The following RSPO1 variants were observed in gnomAD, a reference collection of about 807,000 sequenced individuals.
RSPO1 encodes the protein R-spondin-1.
In RSPO1, 18 loss-of-function variants were observed where a neutral mutation model predicts 26.0. That is an observed-to-expected ratio of 0.69 (90% CI 0.48 to 1.03). RSPO1 has a LOEUF of 1.03. Ranked by LOEUF, RSPO1 falls within the 50% of genes least tolerant of loss-of-function variation. The pLI is 0.00. For missense variants in RSPO1, 309 were observed against 352.3 expected, an observed-to-expected ratio of 0.88 and a Z score of 0.98; for synonymous variants, 133 against 137.4, an observed-to-expected ratio of 0.97 and a Z score of 0.22.
chr1:37,627,011 C>T (rs143821846), intron 3 of RSPO1, among the ~76,000 whole-genome samples: 1 of 152,164 alleles, frequency 6.6e-6, no homozygotes, highest in Admixed American at 6.5e-5. Flanking sequence ...AAGAGAAGTT[C>T]TTTGCTCAAC....
In RSPO1 at chr1:37,612,902, T is replaced by C. The variant is rs775859628; in HGVS notation, c.645A>G (p.Gly215=). The C allele has an allele frequency of 1.2e-6, 2 of 1,614,080 alleles. No homozygotes were observed. The highest frequency in any genetic ancestry group is 1.1e-5 in the South Asian group (1 of 91,082). The change falls in exon 7 of 7, where the codon GGA becomes GGG. Residue 215 remains glycine, a synonymous_variant. Transcript: ENST00000356545. ...TGGCATTCTCCCGCCGGCCCTGGCC[T>C]CCCTTCCTCCTCTTCTGCCCTGAAA... The part of the protein sequence containing the change: ...PCPEGQKRRK[G]GQGRRENANR...
At chr1:37,619,462 G>A (rs186666610) in intron 3 of RSPO1, among the ~76,000 whole-genome samples, 6 of 152,336 alleles carry the variant, frequency 3.9e-5, no homozygotes, top group South Asian at 2.1e-4. Flanking sequence ...TGTCCACTCC[G>A]GACAACTGCT....
rs772927728 is a variant in RSPO1, at chr1:37,612,823, G to A, written c.724C>T (p.Arg242Cys). 2.0e-5 allele frequency: 33 copies of A among 1,613,512 alleles called. No homozygotes were observed. Among genetic ancestry groups the A allele is most frequent in the East Asian group, 8.9e-5 (4 of 44,896 alleles). ...TGCTGCTGCTGTTGCTGCCCCTTGC[G>A]TCTTCGAGAGCCAGCACCCGCCTCC... Reference protein sequence around the residue: ...SKEAGAGSRRRKGQQQQQQQG... With the variant: ...SKEAGAGSRRCKGQQQQQQQG... Residue 242 changes from arginine to cysteine, a missense_variant, in exon 7 of 7, where the codon CGC becomes TGC. By Grantham distance (180) the Arg-to-Cys change is radical (BLOSUM62 -3). Transcript: ENST00000356545.
chr1:37,625,509 C>T (rs934326602), intron 3 of RSPO1, among the ~76,000 whole-genome samples: 6 of 151,814 alleles, frequency 4.0e-5, no homozygotes, highest in Admixed American at 2.6e-4. Flanking sequence ...GTTCAGTTGG[C>T]GAGGGTAGGA....
chr1:37,634,606 G>A lies in RSPO1; in HGVS notation c.-396C>T, dbSNP rs1295300853. 1 of 152,094 alleles carries A rather than the reference G, an allele frequency of 6.6e-6. No individual in the cohort carries two copies. Among genetic ancestry groups the A allele is most frequent in the Non-Finnish European group, 1.5e-5 (1 of 68,078 alleles). 9.4% of individuals were successfully genotyped at this position (152,094 alleles called of 1,614,324 possible). On this transcript the variant is annotated 5_prime_UTR_variant, in exon 1 of 7. Coordinates refer to ENST00000356545, the MANE Select transcript of RSPO1 (RefSeq NM_001242908.2). This position sits in a 1 kb window ranked among gnomAD's most constrained non-coding sequence, Gnocchi z 4.7. Reference sequence around the variant, plus strand: ...CGCGACGGGGGCAGGCCCGGGAGGGGCGAGGGCGCGGCCCGCTCACCCGCC... The same window carrying A: ...CGCGACGGGGGCAGGCCCGGGAGGGACGAGGGCGCGGCCCGCTCACCCGCC...
At chr1:37,622,909 G>A (rs1644223771) in intron 3 of RSPO1, among the ~76,000 whole-genome samples, 1 of 152,224 alleles carries the variant, frequency 6.6e-6, no homozygotes, top group Middle Eastern at 3.4e-3. Flanking sequence ...GAAAATCAGA[G>A]ATCACAGACA....
intron 1 of RSPO1, among the ~76,000 whole-genome samples, chr1:37,633,126 T>C (rs1644383792): frequency 6.6e-6 from 1 of 152,196 alleles, no homozygotes; most frequent in Non-Finnish European, 1.5e-5. Flanking sequence ...CTCCTCACAA[T>C]GGAAGGAGGA....
rs528709141 is a variant in RSPO1, at chr1:37,612,693, C to T, written c.*62G>A. 3.2e-5 allele frequency: 51 copies of T among 1,574,010 alleles called. No individual in the cohort carries two copies. In the African/African-American group the frequency reaches 5.8e-4, roughly 18 times the overall value. ...CCCCCGACGTTCCAGTTCAGGAAAG[C>T]TTGAATCACGCAGAGTAGCACTGAA... On this transcript the variant is annotated 3_prime_UTR_variant, in exon 7 of 7. Coordinates refer to ENST00000356545, the MANE Select transcript of RSPO1 (RefSeq NM_001242908.2).
At chr1:37,622,717 G>T (rs548456880) in intron 3 of RSPO1, among the ~76,000 whole-genome samples, 2 of 152,276 alleles carry the variant, frequency 1.3e-5, no homozygotes, top group Admixed American at 6.5e-5. Flanking sequence ...GACCAGGGCT[G>T]GGAGGAGACA....
intron 4 of RSPO1, 31 bp downstream of exon 4, chr1:37,616,453 C>G (rs1167385887): frequency 6.2e-7 from 1 of 1,609,162 alleles, no homozygotes; most frequent in Admixed American, 1.7e-5. Flanking sequence ...TTCTAATGCC[C>G]CCTGCCCCCG....
rs1238130782 is a variant in RSPO1 at position 37,634,877 on chromosome 1, C to T, written c.-667G>A. Reference sequence around the variant, plus strand: ...GTCGCGCCTCCGCTCGGCCGGAGCTCCCAGCCCGGAGAGGGGCCAGTCCTC... The same window carrying T: ...GTCGCGCCTCCGCTCGGCCGGAGCTTCCAGCCCGGAGAGGGGCCAGTCCTC... On this transcript the variant is annotated 5_prime_UTR_variant, in exon 1 of 7. Transcript: ENST00000356545. This position sits in a 1 kb window ranked among gnomAD's most constrained non-coding sequence, Gnocchi z 4.7. 1 of 152,280 alleles carries T rather than the reference C, an allele frequency of 6.6e-6. No individual in the cohort carries two copies. The highest frequency in any genetic ancestry group is 1.5e-5 in the Non-Finnish European group (1 of 68,072). The allele number at this position is 152,280 out of a possible 1,614,324, so 9.4% of individuals were successfully genotyped here.
Position 37,614,000 on chromosome 1 carries a change from G to A in RSPO1, c.437-108C>T. On this transcript the variant is annotated intron_variant, in intron 5 of 6. Transcript: ENST00000356545. The surrounding 1 kb of genome is among the most constrained non-coding windows in gnomAD (Gnocchi z 4.5). ...AGCATCTCCCACTTTCCTTCTGCCT[G>A]GACCTGAGGCTGCAGGTATCTTTAG... 7.2e-7 allele frequency: 1 copy of A among 1,386,178 alleles called. No individual in the cohort carries two copies. The highest frequency in any genetic ancestry group is 1.0e-6 in the Non-Finnish European group (1 of 980,076). 85.9% of individuals were successfully genotyped at this position (1,386,178 alleles called of 1,614,324 possible). A position where few individuals can be genotyped will look rare whatever the true frequency, so the allele number is the denominator to read the frequency against.
intron 4 of RSPO1, 24 bp from the exon 5 acceptor site, chr1:37,614,357 C>T (rs1644078589): frequency 2.5e-6 from 4 of 1,613,072 alleles, no homozygotes; most frequent in Non-Finnish European, 3.4e-6. Context: ...AGATTGGGGG[C>T]TTCTGGCCCA....
At chr1:37,620,974 G>A (rs1030170759) in intron 3 of RSPO1, among the ~76,000 whole-genome samples, 18 of 152,132 alleles carry the variant, frequency 1.2e-4, no homozygotes, top group African/African-American at 2.9e-4. Flanking sequence ...CCTCTCAAGC[G>A]ATGCTGCCAT....
chr1:37,625,765 G>A (rs540969441), intron 3 of RSPO1, among the ~76,000 whole-genome samples: 2 of 150,114 alleles, frequency 1.3e-5, no homozygotes, highest in African/African-American at 2.5e-5. Flanking sequence ...TGCAACCTCC[G>A]CCTCCCAGGT....
chr1:37,612,607 G>A lies in RSPO1; in HGVS notation c.*148C>T. 1.2e-6 allele frequency: 1 copy of A among 830,050 alleles called. No homozygotes were observed. Among genetic ancestry groups the A allele is most frequent in the Admixed American group, 1.8e-5 (1 of 56,102 alleles). 51.4% of individuals were successfully genotyped at this position (830,050 alleles called of 1,614,324 possible). On this transcript the variant is annotated 3_prime_UTR_variant, in exon 7 of 7. Coordinates refer to ENST00000356545, the MANE Select transcript of RSPO1 (RefSeq NM_001242908.2). ...TGGTTGTATATGTGGACAGGGGTTT[G>A]AGCGTGTGTGTCTTGTGTCTATGTA...
Position 37,614,288 on chromosome 1 carries a change from C to T in RSPO1, c.332G>A (p.Cys111Tyr). ...GTACAAGCCCTCCTTACACTTGGTG[C>T]AGAAGTTATGGCTGAAGCAGGCCTC... ...HCEACFSHNF[C>Y]TKCKEGLYLH... Residue 111 changes from cysteine (C) to tyrosine (Y), a missense_variant, in exon 5 of 7, where the codon TGC (cysteine) becomes TAC (tyrosine). Physicochemically the swap from Cys to Tyr is radical, Grantham distance 194 (BLOSUM62 -2). Coordinates refer to ENST00000356545, the MANE Select transcript of RSPO1 (RefSeq NM_001242908.2). The T allele has an allele frequency of 1.2e-6, 2 of 1,613,918 alleles. No homozygotes were observed. Among genetic ancestry groups the T allele is most frequent in the Non-Finnish European group, 1.7e-6 (2 of 1,180,044 alleles).
intron 3 of RSPO1, among the ~76,000 whole-genome samples, chr1:37,628,148 G>C (rs1644305392): frequency 6.6e-6 from 1 of 152,170 alleles, no homozygotes; most frequent in Admixed American, 6.5e-5. Flanking sequence ...TGTACACATT[G>C]CATGAATGTG....
chr1:37,616,503 G>C lies in RSPO1; in HGVS notation c.267C>G (p.Pro89=), dbSNP rs370101609. 13 of 1,614,026 alleles carry C rather than the reference G, an allele frequency of 8.1e-6. No individual in the cohort carries two copies. The highest frequency in any genetic ancestry group is 8.5e-6 in the Non-Finnish European group (10 of 1,180,022). ...CPPGYFDARN[P]DMNKCIKCKI... ...ACTCACTGATGCACTTGTTCATGTC[G>C]GGGTTGCGGGCGTCGAAGTATCCAG... The change falls in exon 4 of 7, where the codon CCC becomes CCG. Residue 89 remains proline, a synonymous_variant. Coordinates refer to ENST00000356545, the MANE Select transcript of RSPO1 (RefSeq NM_001242908.2).
Sources: gnomAD v4.1 joint callset for allele counts (sites outside exome capture counted in the v4.1 genomes callset) on GRCh38, gnomAD v4.1.1 for gene constraint, Gnocchi (gnomAD v3.1) non-coding constraint, MANE v1.5 for transcripts, NCBI Gene and HGNC (gene_info 2026-07-23, HGNC 2026-07-21) for gene names.